Variants in PRCC observed in about 807,000 individuals in gnomAD.
PRCC encodes proline rich mitotic checkpoint control factor.
PRCC carries 10 observed loss-of-function variants against 44.0 expected under a neutral mutation model. That is an observed-to-expected ratio of 0.23 (90% confidence interval 0.14 to 0.39). The LOEUF is 0.39. Ranked by LOEUF, PRCC falls within the 10% of genes least tolerant of loss-of-function variation. The probability of loss-of-function intolerance (pLI) is 1.00; values close to 1 mark genes in which losing one functional copy is unlikely to be tolerated. For synonymous variants in PRCC, 278 were observed against 259.5 expected (o/e 1.07, Z -0.69); for missense variants, 573 against 624.7 (o/e 0.92, Z 0.88).
At chr1:156,795,874 C>T (rs187778428) in intron 5 of PRCC, 119 of 152,298 alleles carry the variant, frequency 7.8e-4, no homozygotes, top group African/African-American at 2.5e-3. Context: ...AGCCTGCCAC[C>T]GGAGGGGAAA....
intron 4 of PRCC, 71 bp from the exon 5 acceptor site, chr1:156,794,594 T>C (rs1652595513): frequency 1.3e-6 from 2 of 1,556,002 alleles, no homozygotes; most frequent in Middle Eastern, 1.9e-4. Context: ...TTCCATAAAC[T>C]CTGGCTCTTT....
intron 2 of PRCC, among the ~76,000 whole-genome samples, chr1:156,786,098 C>T (rs890516272): frequency 6.6e-5 from 10 of 152,302 alleles, no homozygotes; most frequent in African/African-American, 2.4e-4. Context: ...GCGTGAGCCA[C>T]CACTGCCCAG....
chr1:156,784,466 G>A, intron 2 of PRCC, among the ~76,000 whole-genome samples: 1 of 152,156 alleles, frequency 6.6e-6, no homozygotes, highest in Non-Finnish European at 1.5e-5. Context: ...AGGCAGAGTG[G>A]GGACTTAGGA....
intron 3 of PRCC, among the ~76,000 whole-genome samples, chr1:156,788,639 C>T (rs1420688314): frequency 1.3e-5 from 2 of 149,170 alleles, no homozygotes; most frequent in Non-Finnish European, 3.0e-5. Context: ...GTTCTCGTTT[C>T]TCCACAACCT....
chr1:156,787,123 C>T lies in PRCC; in HGVS notation c.1032C>T (p.Tyr344=), dbSNP rs1652281087. 9.9e-6 allele frequency: 16 copies of T among 1,613,512 alleles called. No individual in the cohort carries two copies. Among genetic ancestry groups the T allele is most frequent in the Non-Finnish European group, 1.3e-5 (15 of 1,179,652 alleles). ...WMPKPGDDYS[Y]NQFSTYGDAN... ...CTAAGCCTGGGGACGACTACAGCTA[C>T]AATCAGTTTTCCACATATGGCGATG... The change falls in exon 3 of 7, where the codon TAC becomes TAT. Residue 344 remains tyrosine (Y), a synonymous_variant. Coordinates refer to ENST00000271526, the MANE Select transcript of PRCC (RefSeq NM_005973.5).
rs1217914236 is a variant in PRCC, at chr1:156,783,960, T to G, written c.516+1631T>G. Among the ~76,000 whole-genome samples, 265 of 150,122 alleles carry G rather than the reference T, an allele frequency of 1.8e-3. 1 individual carries two copies. The highest frequency in any genetic ancestry group is 6.8e-3 in the Middle Eastern group (2 of 294). ...TTTATTTATTTAATTTTTTTTTTTT[T>G]GGGGGGGACGGAGTCTCGCTCTACC... is the stretch of plus-strand genomic sequence containing the variant. On this transcript the variant is annotated intron_variant, in intron 2 of 6. Transcript: ENST00000271526.
chr1:156,782,456 G>A (rs1237986268), intron 2 of PRCC, 127 bp downstream of exon 2: 1 of 831,098 alleles, frequency 1.2e-6, no homozygotes, highest in East Asian at 2.7e-5. Flanking sequence ...GACTATTTAG[G>A]TTCGGCTTTG....
At chr1:156,784,489 G>A (rs1252534535) in intron 2 of PRCC, among the ~76,000 whole-genome samples, 1 of 152,202 alleles carries the variant, frequency 6.6e-6, no homozygotes, top group Non-Finnish European at 1.5e-5. Context: ...GCAAAATGTT[G>A]TAGCCATGAC....
chr1:156,774,749 C>T (rs1245990134), intron 1 of PRCC, among the ~76,000 whole-genome samples: 4 of 151,916 alleles, frequency 2.6e-5, no homozygotes, highest in African/African-American at 9.7e-5. Flanking sequence ...GTCAATAGTT[C>T]AAGACCAGCC....
At chr1:156,783,962 G>T (rs575092002) in intron 2 of PRCC, among the ~76,000 whole-genome samples, 57 of 148,080 alleles carry the variant, frequency 3.8e-4, no homozygotes, top group African/African-American at 1.2e-3. Context: ...TTTTTTTTTG[G>T]GGGGGACGGA....
At chr1:156,783,867 C>G (rs1652138540) in intron 2 of PRCC, among the ~76,000 whole-genome samples, 1 of 152,086 alleles carries the variant, frequency 6.6e-6, no homozygotes, top group South Asian at 2.1e-4. Context: ...GCTTCCACCT[C>G]TGAGCAGTTT....
At chr1:156,779,130 T>TATATATATATA (rs1651949215) in intron 1 of PRCC, among the ~76,000 whole-genome samples, 5 of 15,882 alleles carry the variant, frequency 3.1e-4, no homozygotes, top group Non-Finnish European at 3.2e-4. Context: ...ATATATATAT[T>TATATATATATA]TTTTTTTTTT....
chr1:156,776,655 TG>T (rs981534747), intron 1 of PRCC, among the ~76,000 whole-genome samples: 1 of 152,232 alleles, frequency 6.6e-6, no homozygotes, highest in African/African-American at 2.4e-5. Context: ...TCAAAGGATC[TG>T]AAAAATAAGA....
intron 1 of PRCC, among the ~76,000 whole-genome samples, chr1:156,780,469 A>G (rs1652015843): frequency 6.7e-6 from 1 of 149,464 alleles, no homozygotes; most frequent in Non-Finnish European, 1.5e-5. Flanking sequence ...TATTTTTAGT[A>G]TTTGAGACAA....
At chr1:156,791,898 G>C in intron 4 of PRCC, 106 bp downstream of exon 4, 1 of 1,029,206 alleles carries the variant, frequency 9.7e-7, no homozygotes, top group Non-Finnish European at 1.4e-6. Flanking sequence ...AGACAAAACT[G>C]TATCAGGATT....
At chr1:156,796,606 G>C (rs561258748) in intron 5 of PRCC, 1 of 152,264 alleles carries the variant, frequency 6.6e-6, no homozygotes, top group African/African-American at 2.4e-5. Flanking sequence ...GTTTGGTTAC[G>C]GGTTCAGTGC....
At chr1:156,780,030 A>G (rs1159375442) in intron 1 of PRCC, among the ~76,000 whole-genome samples, 2 of 151,674 alleles carry the variant, frequency 1.3e-5, no homozygotes, top group Non-Finnish European at 2.9e-5. Flanking sequence ...AGTGCGCACC[A>G]CCACGCCTGG....
intron 5 of PRCC, chr1:156,796,639 A>G (rs1652669012): frequency 6.6e-6 from 1 of 152,456 alleles, no homozygotes. Context: ...AGGCTGGAAG[A>G]CTGGGGAGAG....
At chr1:156,774,835 C>T (rs983970468) in intron 1 of PRCC, among the ~76,000 whole-genome samples, 7 of 151,582 alleles carry the variant, frequency 4.6e-5, no homozygotes, top group African/African-American at 1.7e-4. Flanking sequence ...ACCTGTAATC[C>T]CAGCTACTTG....
Sources: gnomAD v4.1 joint callset for allele counts (sites outside exome capture counted in the v4.1 genomes callset) on GRCh38, gnomAD v4.1.1 for gene constraint, MANE v1.5 for transcripts, NCBI Gene and HGNC (gene_info 2026-07-23, HGNC 2026-07-21) for gene names.